The following HCRTR2 variants were observed in gnomAD, a reference collection of about 807,000 sequenced individuals.
The protein encoded by HCRTR2 is hypocretin receptor 2.
HCRTR2 carries 22 observed loss-of-function variants against 49.0 expected under a neutral mutation model. The observed-to-expected ratio is 0.45, with a 90% CI of 0.32 to 0.64. The LOEUF (loss-of-function observed/expected upper bound fraction) is 0.64, where lower values mean the gene tolerates loss of function less well. Ranked by LOEUF, HCRTR2 falls within the 30% of genes least tolerant of loss-of-function variation. HCRTR2 has a pLI of 0.04. For missense variants in HCRTR2, 491 were observed against 559.4 expected (o/e 0.88, Z 1.23); for synonymous variants, 236 against 205.3 (o/e 1.15, Z -1.28).
At chr6:55,209,845 A>G (rs557355388) in intron 1 of HCRTR2, among the ~76,000 whole-genome samples, 6 of 152,186 alleles carry the variant, frequency 3.9e-5, no homozygotes, top group South Asian at 4.1e-4. Flanking sequence ...ATGTTTTCCA[A>G]TGTAATATTC....
At chr6:55,152,447 A>G (rs942502859) in intron 1 of HCRTR2, among the ~76,000 whole-genome samples, 9 of 151,912 alleles carry the variant, frequency 5.9e-5, no homozygotes, top group East Asian at 5.8e-4. Context: ...GTCTTTTGCT[A>G]TAGAGTTGTA....
At chr6:55,157,563 CA>C (rs1764747216) in intron 1 of HCRTR2, among the ~76,000 whole-genome samples, 1 of 152,174 alleles carries the variant, frequency 6.6e-6, no homozygotes. Flanking sequence ...TAGCAGTTAC[CA>C]TGGGCATTAG....
intron 6 of HCRTR2, among the ~76,000 whole-genome samples, chr6:55,281,256 A>G (rs1006567286): frequency 3.5e-4 from 53 of 152,162 alleles, no homozygotes; most frequent in African/African-American, 1.2e-3. Context: ...TCTGGTTTGC[A>G]TAGGTTTAAA....
intron 1 of HCRTR2, among the ~76,000 whole-genome samples, chr6:55,240,445 C>A (rs1464289928): frequency 6.6e-5 from 10 of 150,750 alleles, no homozygotes; most frequent in Admixed American, 5.3e-4. Context: ...AACACAGATG[C>A]ACTTCTTAAG....
intron 1 of HCRTR2, among the ~76,000 whole-genome samples, chr6:55,223,498 G>C (rs56150815): frequency 0.11 from 16,354 of 152,118 alleles, 1,248 homozygotes; most frequent in African/African-American, 0.22. Context: ...ACCCTAATTA[G>C]CATTTAGGAA....
At chr6:55,200,172 T>C (rs1452990697) in intron 1 of HCRTR2, among the ~76,000 whole-genome samples, 1 of 152,172 alleles carries the variant, frequency 6.6e-6, no homozygotes, top group Non-Finnish European at 1.5e-5. Flanking sequence ...ATAATTTATC[T>C]TTCCTTAAAA....
At chr6:55,232,900 C>T (rs1456069738) in intron 1 of HCRTR2, among the ~76,000 whole-genome samples, 3 of 152,122 alleles carry the variant, frequency 2.0e-5, no homozygotes, top group African/African-American at 7.2e-5. Flanking sequence ...AACTTTACCT[C>T]TATATTATCT....
downstream of HCRTR2, among the ~76,000 whole-genome samples, chr6:55,283,520 GGGCTT>G (rs1767234684): frequency 6.6e-6 from 1 of 152,038 alleles, no homozygotes; most frequent in South Asian, 2.1e-4. Flanking sequence ...AAAAATAGAG[GGGCTT>G]GCTCTTAACT....
intron 4 of HCRTR2, 44 bp downstream of exon 4, chr6:55,263,866 T>C (rs370516265): frequency 5.3e-6 from 6 of 1,124,946 alleles, no homozygotes; most frequent in Non-Finnish European, 6.7e-6. Context: ...CCTCCACACA[T>C]AATTTGTTAT....
chr6:55,283,387 A>G (rs1414913410), downstream of HCRTR2, among the ~76,000 whole-genome samples: 1 of 152,090 alleles, frequency 6.6e-6, no homozygotes, highest in Non-Finnish European at 1.5e-5. Flanking sequence ...GCTACCAAGG[A>G]CAGTGGTCTT....
At chr6:55,124,881 A>T (rs1461450602) in intron 1 of HCRTR2, among the ~76,000 whole-genome samples, 2 of 147,666 alleles carry the variant, frequency 1.4e-5, no homozygotes, top group Non-Finnish European at 3.0e-5. Flanking sequence ...GTCTCTTTTG[A>T]TCTTTGTTGG....
intron 1 of HCRTR2, among the ~76,000 whole-genome samples, chr6:55,151,125 G>C (rs1480873416): frequency 2.0e-5 from 3 of 151,968 alleles, no homozygotes; most frequent in Admixed American, 1.3e-4. Flanking sequence ...CCTCAATGTT[G>C]ATGGTTGCTG....
chr6:55,218,978 C>T (rs1425820560), intron 1 of HCRTR2, among the ~76,000 whole-genome samples: 1 of 152,060 alleles, frequency 6.6e-6, no homozygotes, highest in Admixed American at 6.6e-5. Flanking sequence ...CATGCAACAC[C>T]ATACCCAGCT....
intron 3 of HCRTR2, among the ~76,000 whole-genome samples, chr6:55,261,443 C>T (rs796445175): frequency 3.0e-4 from 46 of 151,926 alleles, no homozygotes; most frequent in African/African-American, 1.0e-3. Flanking sequence ...CTCGCACTGT[C>T]GCCCAGGCTG....
intron 1 of HCRTR2, among the ~76,000 whole-genome samples, chr6:55,133,631 T>G (rs1353500300): frequency 6.6e-6 from 1 of 151,098 alleles, no homozygotes; most frequent in Non-Finnish European, 1.5e-5. Flanking sequence ...GACATAGCTA[T>G]ATATCTACAT....
chr6:55,231,806 G>C (rs957671176), intron 1 of HCRTR2, among the ~76,000 whole-genome samples: 4 of 152,044 alleles, frequency 2.6e-5, no homozygotes, highest in African/African-American at 9.7e-5. Context: ...CAATCTAGCT[G>C]TTTCTCTATT....
intron 1 of HCRTR2, among the ~76,000 whole-genome samples, chr6:55,168,772 A>C (rs1314442957): frequency 1.3e-5 from 2 of 151,996 alleles, no homozygotes; most frequent in Non-Finnish European, 2.9e-5. Flanking sequence ...TGTCTCACTA[A>C]GTTGCCCAAC....
At chr6:55,248,557 C>A in intron 1 of HCRTR2, 82 bp from the exon 2 acceptor site, 2 of 1,146,362 alleles carry the variant, frequency 1.7e-6, no homozygotes, top group Non-Finnish European at 2.6e-6. Flanking sequence ...TATTTGTGGA[C>A]TTTATAGAAA....
At chr6:55,180,696 C>A (rs938677498) in intron 1 of HCRTR2, among the ~76,000 whole-genome samples, 2 of 152,156 alleles carry the variant, frequency 1.3e-5, no homozygotes, top group African/African-American at 4.8e-5. Flanking sequence ...TTCACATAAT[C>A]TACAGATATT....
Sources: gnomAD v4.1 joint callset for allele counts (sites outside exome capture counted in the v4.1 genomes callset) on GRCh38, gnomAD v4.1.1 for gene constraint, MANE v1.5 for transcripts, NCBI Gene and HGNC (gene_info 2026-07-23, HGNC 2026-07-21) for gene names.